Variants in SMARCA2 observed in about 807,000 individuals in gnomAD.
The protein encoded by SMARCA2 is SWI/SNF related BAF chromatin remodeling complex subunit ATPase 2.
In SMARCA2, 61 loss-of-function variants were observed where a neutral mutation model predicts 199.8. The ratio of observed to expected loss-of-function variants is 0.31; its 90% CI spans 0.25 to 0.38. The LOEUF (loss-of-function observed/expected upper bound fraction) is 0.38, where lower values mean the gene tolerates loss of function less well. Ranked by LOEUF, SMARCA2 falls within the 10% of genes least tolerant of loss-of-function variation. The pLI is 1.00. For missense variants in SMARCA2, 1,344 were observed against 2,012.2 expected (o/e 0.67, Z 6.35); for synonymous variants, 935 against 732.0 (o/e 1.28, Z -4.48).
intron 29 of SMARCA2, among the ~76,000 whole-genome samples, chr9:2,174,696 G>A (rs748911061): frequency 2.6e-5 from 4 of 152,040 alleles, no homozygotes; most frequent in Admixed American, 6.6e-5. Context: ...CGAGGCAAGC[G>A]GATTGCTTCA....
intron 32 of SMARCA2, among the ~76,000 whole-genome samples, chr9:2,188,203 T>C (rs1361216746): frequency 6.6e-6 from 1 of 152,142 alleles, no homozygotes; most frequent in Non-Finnish European, 1.5e-5. Context: ...ATAATACATA[T>C]TAACATTCAT....
chr9:2,176,191 T>TTTTTTGTTTTTTTTTTTTTG (rs1563829253), intron 29 of SMARCA2, among the ~76,000 whole-genome samples: 4 of 150,386 alleles, frequency 2.7e-5, no homozygotes, highest in African/African-American at 7.4e-5. Context: ...TGTTTTTTTT[T>TTTTTTGTTTTTTTTTTTTTG]TTTTTTTTTT....
At chr9:2,059,514 A>G (rs186996430) in intron 8 of SMARCA2, among the ~76,000 whole-genome samples, 1 of 152,276 alleles carries the variant, frequency 6.6e-6, no homozygotes, top group African/African-American at 2.4e-5. Context: ...AATTTGTCTG[A>G]CTCAACTGAA....
chr9:2,110,481 T>A lies in SMARCA2; in HGVS notation c.3456+64T>A, dbSNP rs554406356. 7.5e-7 allele frequency: 1 copy of A among 1,336,448 alleles called. No individual in the cohort carries two copies. Among genetic ancestry groups the A allele is most frequent in the East Asian group, 2.4e-5 (1 of 42,268 alleles). 82.8% of individuals were successfully genotyped at this position (1,336,448 alleles called of 1,614,324 possible). A position where few individuals can be genotyped will look rare whatever the true frequency, so the allele number is the denominator to read the frequency against. Reference sequence around the variant, plus strand: ...GAGAGCAACTAAAAGATGATCAGTTTCATTATTCACATTTACAGGACAGAG... The same window carrying A: ...GAGAGCAACTAAAAGATGATCAGTTACATTATTCACATTTACAGGACAGAG... On this transcript the variant is annotated intron_variant, in intron 24 of 33. Coordinates refer to ENST00000349721, the MANE Select transcript of SMARCA2 (RefSeq NM_003070.5). This position sits in a 1 kb window ranked among gnomAD's most constrained non-coding sequence, Gnocchi z 4.8.
At chr9:2,073,659 G>T in intron 12 of SMARCA2, 36 bp downstream of exon 12, 1 of 1,493,406 alleles carries the variant, frequency 6.7e-7, no homozygotes, top group Non-Finnish European at 9.3e-7. Context: ...TTATTGGTTT[G>T]AAAGTTATCA....
intron 27 of SMARCA2, among the ~76,000 whole-genome samples, chr9:2,143,574 C>T (rs1824569701): frequency 1.3e-5 from 2 of 152,072 alleles, no homozygotes; most frequent in South Asian, 2.1e-4. Context: ...GCAGGGAGAC[C>T]AGGGGGAAAA....
chr9:2,072,248 G>C (rs1378088328), intron 10 of SMARCA2, among the ~76,000 whole-genome samples: 1 of 152,180 alleles, frequency 6.6e-6, no homozygotes, highest in Non-Finnish European at 1.5e-5. Flanking sequence ...TCAGGAAATA[G>C]ATAACTTGAA....
intron 27 of SMARCA2, among the ~76,000 whole-genome samples, chr9:2,130,069 G>A (rs1284692000): frequency 6.6e-6 from 1 of 152,114 alleles, no homozygotes; most frequent in Non-Finnish European, 1.5e-5. Context: ...TGCCAGGCTG[G>A]TCTTGAACTC....
rs1426910888 is a variant in SMARCA2 at position 2,086,141 on chromosome 9, G to C, written c.2527-688G>C. Reference sequence around the variant, plus strand: ...ATTCTTTTATTTTAGATAAAACAGGGGTCCTAGATCTGGCAGGTAAGGAAT... The same window carrying C: ...ATTCTTTTATTTTAGATAAAACAGGCGTCCTAGATCTGGCAGGTAAGGAAT... On this transcript the variant is annotated intron_variant, in intron 17 of 33. Coordinates refer to ENST00000349721, the MANE Select transcript of SMARCA2 (RefSeq NM_003070.5). The surrounding 1 kb of genome is among the most constrained non-coding windows in gnomAD (Gnocchi z 4.3). 1 of 152,244 alleles carries C rather than the reference G, an allele frequency of 6.6e-6. No individual in the cohort carries two copies. Among genetic ancestry groups the C allele is most frequent in the Non-Finnish European group, 1.5e-5 (1 of 68,098 alleles). The allele number at this position is 152,244 out of a possible 1,614,324, so 9.4% of individuals were successfully genotyped here. A position where few individuals can be genotyped will look rare whatever the true frequency, so the allele number is the denominator to read the frequency against.
chr9:2,171,044 C>T (rs1826224487), intron 29 of SMARCA2, among the ~76,000 whole-genome samples: 1 of 152,164 alleles, frequency 6.6e-6, no homozygotes, highest in African/African-American at 2.4e-5. Context: ...TCCCAAGCAT[C>T]TAAAGCCAGT....
chr9:2,090,249 C>T (rs565664317), intron 19 of SMARCA2, among the ~76,000 whole-genome samples: 2 of 152,220 alleles, frequency 1.3e-5, no homozygotes, highest in East Asian at 3.9e-4. Context: ...CAAATGATCA[C>T]GAGTATGTCT....
chr9:2,026,680 C>A (rs1040077949), intron 1 of SMARCA2, among the ~76,000 whole-genome samples: 1 of 152,064 alleles, frequency 6.6e-6, no homozygotes, highest in Non-Finnish European at 1.5e-5. Flanking sequence ...CAGTGTAAAC[C>A]ATAACAGGAA....
At chr9:2,029,959 T>G (rs1266384953) in intron 2 of SMARCA2, among the ~76,000 whole-genome samples, 1 of 152,238 alleles carries the variant, frequency 6.6e-6, no homozygotes, top group Non-Finnish European at 1.5e-5. Flanking sequence ...AGAGACAGCC[T>G]TTTGAGAAAG....
chr9:2,157,460 C>G (rs934950783), intron 27 of SMARCA2, among the ~76,000 whole-genome samples: 1 of 152,158 alleles, frequency 6.6e-6, no homozygotes, highest in Non-Finnish European at 1.5e-5. Context: ...TGGAATCCAA[C>G]TAGAGTTCCT....
chr9:2,027,589 A>G (rs1463226731), intron 1 of SMARCA2: 1 of 152,206 alleles, frequency 6.6e-6, no homozygotes, highest in Non-Finnish European at 1.5e-5. Context: ...TGGAAGGGAA[A>G]CTGAGCATGG....
chr9:2,134,960 G>A (rs770461019), intron 27 of SMARCA2, among the ~76,000 whole-genome samples: 28 of 151,910 alleles, frequency 1.8e-4, no homozygotes, highest in Non-Finnish European at 2.9e-5. Context: ...CTATATTAGG[G>A]TTATCCACAG....
Position 2,192,850 on chromosome 9 carries a change from C to T in SMARCA2, c.*111C>T, listed in dbSNP as rs919931915. On this transcript the variant is annotated 3_prime_UTR_variant, in exon 34 of 34. Transcript: ENST00000349721. ...CACTGGGTTGTTTCTATATCATCAT[C>T]GTCTATAAACTAGCTTTAGGATAGT... The T allele has an allele frequency of 2.6e-6, 2 of 773,526 alleles. No homozygotes were observed. Among genetic ancestry groups the T allele is most frequent in the South Asian group, 1.5e-5 (1 of 66,384 alleles). 47.9% of individuals were successfully genotyped at this position (773,526 alleles called of 1,614,324 possible). A position where few individuals can be genotyped will look rare whatever the true frequency, so the allele number is the denominator to read the frequency against.
chr9:2,114,103 T>C (rs1040781959), intron 24 of SMARCA2, among the ~76,000 whole-genome samples: 7 of 152,200 alleles, frequency 4.6e-5, no homozygotes, highest in Admixed American at 1.3e-4. Context: ...TCATCTTGAC[T>C]GCTGTTAGCA....
intron 27 of SMARCA2, among the ~76,000 whole-genome samples, chr9:2,156,316 T>C (rs1335624867): frequency 6.6e-6 from 1 of 150,866 alleles, no homozygotes; most frequent in African/African-American, 2.4e-5. Flanking sequence ...TGTTGGGGTT[T>C]AATTGGGGTT....
Sources: gnomAD v4.1 joint callset for allele counts (sites outside exome capture counted in the v4.1 genomes callset) on GRCh38, gnomAD v4.1.1 for gene constraint, Gnocchi (gnomAD v3.1) non-coding constraint, MANE v1.5 for transcripts, NCBI Gene and HGNC (gene_info 2026-07-23, HGNC 2026-07-21) for gene names.